CADM2: variants seen among roughly 807,000 people sequenced by gnomAD.
CADM2 encodes the protein immunoglobulin superfamily member 4D.
A neutral mutation model predicts 49.8 loss-of-function variants in CADM2; 12 were observed. The observed-to-expected ratio is 0.24, with a 90% confidence interval of 0.15 to 0.39. The LOEUF is 0.39. Ranked by LOEUF, CADM2 falls within the 10% of genes least tolerant of loss-of-function variation. CADM2 has a pLI of 1.00. For missense variants in CADM2, 378 were observed against 492.3 expected, an observed-to-expected ratio of 0.77 and a Z score of 2.20; for synonymous variants, 214 against 175.4, an observed-to-expected ratio of 1.22 and a Z score of -1.74.
At chr3:85,369,595 C>G (rs1472909020) in intron 1 of CADM2, among the ~76,000 whole-genome samples, 1 of 152,146 alleles carries the variant, frequency 6.6e-6, no homozygotes, top group East Asian at 1.9e-4. Context: ...CATGGAGAAC[C>G]CATCCCTCCT....
chr3:85,456,802 A>C (rs187347761), intron 1 of CADM2, among the ~76,000 whole-genome samples: 2 of 151,642 alleles, frequency 1.3e-5, no homozygotes, highest in African/African-American at 2.4e-5. Context: ...AAAGTCTTAG[A>C]TATTAAGTAA....
chr3:85,640,129 T>G (rs1324920986), intron 1 of CADM2, among the ~76,000 whole-genome samples: 1 of 152,206 alleles, frequency 6.6e-6, no homozygotes, highest in Non-Finnish European at 1.5e-5. Flanking sequence ...GCCTCTGCCT[T>G]GTGCTGTCAT....
chr3:85,742,987 T>C (rs7355953), intron 2 of CADM2, among the ~76,000 whole-genome samples: 24,006 of 152,204 alleles, frequency 0.16, 2,393 homozygotes, highest in Non-Finnish European at 0.22. Context: ...TTTTCCTTTT[T>C]CTGAGTCTAC....
At chr3:85,860,175 T>C (rs1221292307) in intron 3 of CADM2, among the ~76,000 whole-genome samples, 1 of 152,158 alleles carries the variant, frequency 6.6e-6, no homozygotes, top group African/African-American at 2.4e-5. Flanking sequence ...ATGGATACTA[T>C]TTACATACTT....
At chr3:85,792,591 T>C (rs2071399849) in intron 2 of CADM2, among the ~76,000 whole-genome samples, 1 of 152,174 alleles carries the variant, frequency 6.6e-6, no homozygotes, top group Non-Finnish European at 1.5e-5. Context: ...TAGGTATATC[T>C]CGGGTGATTA....
At chr3:85,730,575 C>G (rs2107794329) in intron 2 of CADM2, among the ~76,000 whole-genome samples, 1 of 152,244 alleles carries the variant, frequency 6.6e-6, no homozygotes, top group South Asian at 2.1e-4. Context: ...ACAAGTCTAT[C>G]CTACATTTGT....
chr3:85,783,866 G>A (rs184119461), intron 2 of CADM2, among the ~76,000 whole-genome samples: 4 of 152,240 alleles, frequency 2.6e-5, no homozygotes, highest in African/African-American at 4.8e-5. Flanking sequence ...TCTCTTTGGT[G>A]AGAAAACATT....
chr3:85,462,214 A>G (rs1202299688), intron 1 of CADM2, among the ~76,000 whole-genome samples: 1 of 152,164 alleles, frequency 6.6e-6, no homozygotes, highest in East Asian at 1.9e-4. Flanking sequence ...GTCAAGCCCC[A>G]GAATATCCCC....
intron 1 of CADM2, among the ~76,000 whole-genome samples, chr3:85,242,486 A>T (rs942795413): frequency 6.6e-6 from 1 of 151,684 alleles, no homozygotes; most frequent in Non-Finnish European, 1.5e-5. Context: ...ACCATATATT[A>T]TCACATATCT....
chr3:85,893,341 T>C (rs1003425072), intron 5 of CADM2, among the ~76,000 whole-genome samples: 35 of 152,114 alleles, frequency 2.3e-4, no homozygotes, highest in African/African-American at 8.2e-4. Flanking sequence ...ATACAAAAAT[T>C]AATTCAAGAT....
At chr3:85,043,643 C>T (rs919826308) in intron 1 of CADM2, among the ~76,000 whole-genome samples, 1 of 152,092 alleles carries the variant, frequency 6.6e-6, no homozygotes, top group Non-Finnish European at 1.5e-5. Context: ...TGCCCTACTA[C>T]ACTCAAGTCT....
intron 1 of CADM2, among the ~76,000 whole-genome samples, chr3:85,019,772 G>T (rs1279715631): frequency 6.6e-6 from 1 of 152,116 alleles, no homozygotes; most frequent in Non-Finnish European, 1.5e-5. Context: ...AATGTGGCAG[G>T]CCAATTATAA....
intron 1 of CADM2, among the ~76,000 whole-genome samples, chr3:85,413,935 G>A (rs1464336358): frequency 6.6e-6 from 1 of 152,198 alleles, no homozygotes; most frequent in South Asian, 2.1e-4. Context: ...TGGGATCTGG[G>A]CCCACTGCAA....
At chr3:85,706,684 A>G (rs930794139) in intron 1 of CADM2, among the ~76,000 whole-genome samples, 3 of 152,188 alleles carry the variant, frequency 2.0e-5, no homozygotes, top group Non-Finnish European at 2.9e-5. Flanking sequence ...TACATTTCTC[A>G]ATAACTGAAT....
chr3:85,875,072 C>T (rs1422328433), intron 3 of CADM2, among the ~76,000 whole-genome samples: 3 of 152,102 alleles, frequency 2.0e-5, no homozygotes, highest in Non-Finnish European at 2.9e-5. Flanking sequence ...AGTAAAAATT[C>T]GGTCCAGGCT....
intron 2 of CADM2, among the ~76,000 whole-genome samples, chr3:85,791,203 G>A (rs1333705050): frequency 6.6e-6 from 1 of 152,132 alleles, no homozygotes; most frequent in East Asian, 1.9e-4. Flanking sequence ...ACATGATAGA[G>A]CATTCATTGC....
chr3:85,883,871 T>G (rs1160626150), intron 4 of CADM2, among the ~76,000 whole-genome samples: 1 of 152,224 alleles, frequency 6.6e-6, no homozygotes, highest in Non-Finnish European at 1.5e-5. Flanking sequence ...TAAGGGCCTT[T>G]CTTGCTAACT....
At chr3:85,327,306 A>C (rs2107133609) in intron 1 of CADM2, among the ~76,000 whole-genome samples, 1 of 152,108 alleles carries the variant, frequency 6.6e-6, no homozygotes, top group South Asian at 2.1e-4. Flanking sequence ...CCCAGGCTGG[A>C]GTGCAGTGTC....
chr3:85,187,438 C>T (rs2041091295), intron 1 of CADM2, among the ~76,000 whole-genome samples: 1 of 151,938 alleles, frequency 6.6e-6, no homozygotes, highest in South Asian at 2.1e-4. Flanking sequence ...AGAAACATCT[C>T]CTCATAAGTT....
Sources: allele counts gnomAD v4.1 joint callset (sites outside exome capture counted in the v4.1 genomes callset), GRCh38; gene constraint gnomAD v4.1.1; transcripts MANE v1.5; gene names NCBI Gene and HGNC (gene_info 2026-07-23, HGNC 2026-07-21).